Variants in ABI2 observed in about 807,000 individuals in gnomAD.
The protein encoded by ABI2 is abelson interactor 2.
Under a neutral mutation model 59.2 loss-of-function variants are expected in ABI2, and 25 were observed. That is an observed-to-expected ratio of 0.42 (90% CI 0.31 to 0.59). The LOEUF (loss-of-function observed/expected upper bound fraction) is 0.59. Among genes scored for constraint, ABI2 ranks in the 20% least tolerant of loss-of-function variants. ABI2 has a pLI of 0.14. For missense variants in ABI2, 545 were observed against 681.8 expected (o/e 0.80, Z 2.23); for synonymous variants, 213 against 235.5 (o/e 0.90, Z 0.87).
At chr2:203,336,827 T>C (rs2076670802) in intron 1 of ABI2, among the ~76,000 whole-genome samples, 1 of 152,222 alleles carries the variant, frequency 6.6e-6, no homozygotes, top group South Asian at 2.1e-4. Flanking sequence ...AGTGGGATTA[T>C]TACCGTATGG....
rs545107575 is a variant in ABI2 at position 203,329,494 on chromosome 2, C to T, written c.117+863C>T. ...AAAATATTCTGTGGATTAAAAAAATCCTTCTTTAAAAATTACTTGAAAGGA... is the reference window on the plus strand; with the variant it reads ...AAAATATTCTGTGGATTAAAAAAATTCTTCTTTAAAAATTACTTGAAAGGA... On this transcript the variant is annotated intron_variant, in intron 1 of 11. Coordinates refer to ENST00000261018, the MANE Select transcript of ABI2 (RefSeq NM_001375670.1). Among the ~76,000 whole-genome samples the T allele has an allele frequency of 1.5e-4, 23 of 151,752 alleles. No homozygotes were observed. The South Asian group carries it at 4.6e-3, about 30-fold the overall frequency.
intron 2 of ABI2, among the ~76,000 whole-genome samples, chr2:203,373,934 G>A (rs1227605306): frequency 2.6e-5 from 4 of 151,748 alleles, no homozygotes; most frequent in East Asian, 1.9e-4. Flanking sequence ...TGAGGCAGGC[G>A]GATCCCTTGA....
In ABI2 at chr2:203,349,624, C is replaced by T. The variant is rs368354540; in HGVS notation, c.118-17253C>T. Among the ~76,000 whole-genome samples, 24 of 152,024 alleles carry T rather than the reference C, an allele frequency of 1.6e-4. No homozygotes were observed. The East Asian group carries it at 2.9e-3, about 18-fold the overall frequency. ...TTCACCACGTTGGTCAGGCTGGTCT[C>T]GAACTCCTGACCTCAGGTGATCCGC... On this transcript the variant is annotated intron_variant, in intron 1 of 11. Coordinates refer to ENST00000261018, the MANE Select transcript of ABI2 (RefSeq NM_001375670.1).
intron 11 of ABI2, among the ~76,000 whole-genome samples, chr2:203,423,511 C>T (rs962246657): frequency 3.9e-5 from 6 of 152,184 alleles, no homozygotes; most frequent in African/African-American, 1.2e-4. Flanking sequence ...CTGCAACCTC[C>T]GCCTCCCAGG....
chr2:203,424,540 G>A (rs1162503183), intron 11 of ABI2, among the ~76,000 whole-genome samples: 5 of 151,598 alleles, frequency 3.3e-5, no homozygotes, highest in East Asian at 2.0e-4. Context: ...GACCACAGAC[G>A]TGCACCACCA....
chr2:203,373,766 A>T (rs367660149), intron 2 of ABI2, among the ~76,000 whole-genome samples: 91 of 152,326 alleles, frequency 6.0e-4, no homozygotes, highest in African/African-American at 2.2e-3. Context: ...GAAAATAATT[A>T]TCATAAAATA....
chr2:203,332,805 A>G (rs1458636785), intron 1 of ABI2, among the ~76,000 whole-genome samples: 7 of 152,170 alleles, frequency 4.6e-5, no homozygotes, highest in Admixed American at 4.6e-4. Context: ...TGAAATCTGA[A>G]AAGCCAACTT....
At chr2:203,391,524 G>A (rs2096740797) in intron 5 of ABI2, among the ~76,000 whole-genome samples, 1 of 152,012 alleles carries the variant, frequency 6.6e-6, no homozygotes, top group Non-Finnish European at 1.5e-5. Context: ...TAAGAATATT[G>A]AGCTTCAGGC....
chr2:203,371,323 G>A (rs563223506), intron 2 of ABI2, among the ~76,000 whole-genome samples: 5 of 152,128 alleles, frequency 3.3e-5, no homozygotes, highest in African/African-American at 4.8e-5. Flanking sequence ...ACTCTGTATC[G>A]GGGAGAAATA....
intron 1 of ABI2, among the ~76,000 whole-genome samples, chr2:203,354,846 T>C (rs767028309): frequency 6.6e-6 from 1 of 152,202 alleles, no homozygotes; most frequent in Admixed American, 6.5e-5. Flanking sequence ...CTTAGTATCT[T>C]CTAAGACTGT....
In ABI2 at chr2:203,427,462, A is replaced by C. The variant is rs938574180; in HGVS notation, c.*110A>C. On this transcript the variant is annotated 3_prime_UTR_variant, in exon 12 of 12. Coordinates refer to ENST00000261018, the MANE Select transcript of ABI2 (RefSeq NM_001375670.1). ...AGTAGAATGAAGGATACAAATGATA[A>C]AAATTACACTTTTTTTTTTGGTTTA... 4.8e-5 allele frequency: 50 copies of C among 1,037,404 alleles called. No individual in the cohort carries two copies. Among genetic ancestry groups the C allele is most frequent in the Non-Finnish European group, 6.5e-5 (48 of 743,670 alleles). 64.3% of individuals were successfully genotyped at this position (1,037,404 alleles called of 1,614,324 possible). A position where few individuals can be genotyped will look rare whatever the true frequency, so the allele number is the denominator to read the frequency against.
chr2:203,337,297 AG>A (rs1264159640), intron 1 of ABI2, among the ~76,000 whole-genome samples: 1 of 152,236 alleles, frequency 6.6e-6, no homozygotes, highest in Non-Finnish European at 1.5e-5. Flanking sequence ...AATTTAGTAA[AG>A]TTGTAGGAGA....
At chr2:203,418,004 C>CG (rs565936799) in intron 11 of ABI2, among the ~76,000 whole-genome samples, 5 of 151,938 alleles carry the variant, frequency 3.3e-5, no homozygotes, top group Admixed American at 2.6e-4. Context: ...TTTCTGGAGA[C>CG]GAAAAACACA....
At chr2:203,328,828 A>C in intron 1 of ABI2, 197 bp downstream of exon 1, 1 of 382,848 alleles carries the variant, frequency 2.6e-6, no homozygotes, top group Non-Finnish European at 4.6e-6. Context: ...AAAACCTTTA[A>C]AAAAGCGGTG....
chr2:203,353,483 A>G (rs1328147880), intron 1 of ABI2, among the ~76,000 whole-genome samples: 2 of 152,072 alleles, frequency 1.3e-5, no homozygotes, highest in African/African-American at 4.8e-5. Flanking sequence ...TCATTTATGT[A>G]TTTATTTATT....
chr2:203,397,091 G>A (rs944730656), intron 8 of ABI2, 124 bp downstream of exon 8: 2 of 1,222,648 alleles, frequency 1.6e-6, no homozygotes, highest in African/African-American at 1.6e-5. Flanking sequence ...TAAGAATAAT[G>A]TACTAACCAG....
At chr2:203,416,836 C>A (rs2097913015) in intron 10 of ABI2, 72 bp from the exon 11 acceptor site, 1 of 1,432,018 alleles carries the variant, frequency 7.0e-7, no homozygotes, top group African/African-American at 1.4e-5. Context: ...TTCCATGAAC[C>A]CAGAAGCTTG....
intron 4 of ABI2, among the ~76,000 whole-genome samples, chr2:203,388,991 CTT>C (rs2096639884): frequency 1.3e-5 from 2 of 152,118 alleles, no homozygotes; most frequent in African/African-American, 4.8e-5. Context: ...CTTAAAGTAA[CTT>C]TGGGTTTTAT....
chr2:203,338,779 AAGAAAAGATG>A (rs2077611031), intron 1 of ABI2, among the ~76,000 whole-genome samples: 1 of 151,150 alleles, frequency 6.6e-6, no homozygotes, highest in African/African-American at 2.4e-5. Flanking sequence ...CAACAAAAGC[AAGAAAAGATG>A]AGAGTGACTA....
Sources: gnomAD v4.1 joint callset for allele counts (sites outside exome capture counted in the v4.1 genomes callset) on GRCh38, gnomAD v4.1.1 for gene constraint, MANE v1.5 for transcripts, NCBI Gene and HGNC (gene_info 2026-07-23, HGNC 2026-07-21) for gene names.